Variants in C12orf42 observed in about 807,000 individuals in gnomAD.
C12orf42 encodes the protein uncharacterized protein C12orf42.
A neutral mutation model predicts 21.6 loss-of-function variants in C12orf42; 25 were observed. The observed-to-expected ratio is 1.16, with a 90% confidence interval of 0.84 to 1.62. C12orf42 has a LOEUF of 1.62. C12orf42 is among the 40% of genes most tolerant of loss of function. The probability of loss-of-function intolerance (pLI) is 0.00; values close to 1 mark genes in which losing one functional copy is unlikely to be tolerated. For synonymous variants in C12orf42, 174 were observed against 175.0 expected, an observed-to-expected ratio of 0.99 and a Z score of 0.05; for missense variants, 483 against 459.3, an observed-to-expected ratio of 1.05 and a Z score of -0.47.
chr12:103,377,091 G>A (rs534160422), intron 3 of C12orf42, among the ~76,000 whole-genome samples: 1 of 152,108 alleles, frequency 6.6e-6, no homozygotes, highest in African/African-American at 2.4e-5. Flanking sequence ...ATGGCATCCT[G>A]TTCTTATTTA....
chr12:103,120,289 A>T, the C12orf42 span, among the ~76,000 whole-genome samples: 34 of 152,312 alleles, frequency 2.2e-4, no homozygotes, highest in South Asian at 8.3e-4. Context: ...GGACTGGGAG[A>T]GATAATTACT....
At chr12:103,172,236 G>T in the C12orf42 span, among the ~76,000 whole-genome samples, 1 of 152,038 alleles carries the variant, frequency 6.6e-6, no homozygotes, top group Non-Finnish European at 1.5e-5. Context: ...AGGGTAATAT[G>T]CATGAAGCAA....
intron 4 of C12orf42, among the ~76,000 whole-genome samples, chr12:103,317,221 T>G (rs1281634813): frequency 1.1e-4 from 17 of 152,234 alleles, no homozygotes; most frequent in Non-Finnish European, 1.5e-5. Context: ...TCAGGCACTC[T>G]GCTAAGTATA....
chr12:103,465,842 C>G (rs549001297), intron 2 of C12orf42, among the ~76,000 whole-genome samples: 1 of 152,248 alleles, frequency 6.6e-6, no homozygotes, highest in East Asian at 1.9e-4. Flanking sequence ...TTTTCTGCCT[C>G]TATTGAGATA....
the C12orf42 span, among the ~76,000 whole-genome samples, chr12:103,082,851 C>T: frequency 6.6e-6 from 1 of 152,164 alleles, no homozygotes; most frequent in Non-Finnish European, 1.5e-5. Context: ...TAACATAGTA[C>T]AAACAAGCTA....
chr12:103,122,970 G>T, the C12orf42 span, among the ~76,000 whole-genome samples: 29 of 152,248 alleles, frequency 1.9e-4, no homozygotes, highest in African/African-American at 6.7e-4. Flanking sequence ...GAGGCAGGGG[G>T]AATAATTATG....
At chr12:103,298,555 C>T (rs2037451370), downstream of C12orf42, among the ~76,000 whole-genome samples, 1 of 152,134 alleles carries the variant, frequency 6.6e-6, no homozygotes, top group African/African-American at 2.4e-5. Flanking sequence ...GATTCAATGC[C>T]ACCCCCATCA....
At chr12:103,066,258 G>T in the C12orf42 span, among the ~76,000 whole-genome samples, 1 of 152,204 alleles carries the variant, frequency 6.6e-6, no homozygotes, top group Non-Finnish European at 1.5e-5. Context: ...TAGCCATAAA[G>T]TGGGTTGTGC....
chr12:103,335,775 C>T (rs2041636936), intron 4 of C12orf42, among the ~76,000 whole-genome samples: 1 of 152,142 alleles, frequency 6.6e-6, no homozygotes, highest in African/African-American at 2.4e-5. Context: ...CTATTTGTGG[C>T]TGAAAAAGAA....
At chr12:103,357,382 C>T (rs1203678380) in intron 4 of C12orf42, among the ~76,000 whole-genome samples, 2 of 151,918 alleles carry the variant, frequency 1.3e-5, no homozygotes, top group Non-Finnish European at 2.9e-5. Context: ...CTTCATGCCA[C>T]ATGGGGAGGT....
At chr12:103,379,714 A>T (rs1211148839) in intron 3 of C12orf42, among the ~76,000 whole-genome samples, 1 of 152,212 alleles carries the variant, frequency 6.6e-6, no homozygotes, top group Non-Finnish European at 1.5e-5. Context: ...CCTCCCTTCC[A>T]TCCCAGGCTT....
At chr12:103,214,036 C>G in the C12orf42 span, among the ~76,000 whole-genome samples, 3 of 152,206 alleles carry the variant, frequency 2.0e-5, no homozygotes, top group African/African-American at 2.4e-5. Flanking sequence ...CACTAATGCT[C>G]TTTAAGTACT....
chr12:103,440,408 TA>T (rs1388518819), intron 2 of C12orf42, among the ~76,000 whole-genome samples: 3 of 36,430 alleles, frequency 8.2e-5, no homozygotes, highest in Admixed American at 7.4e-4. Context: ...TAAAGTATAA[TA>T]AAAAAATAAA....
the C12orf42 span, among the ~76,000 whole-genome samples, chr12:103,506,358 C>T: frequency 7.7e-4 from 109 of 141,764 alleles, 1 homozygote; most frequent in Middle Eastern, 3.6e-3. Flanking sequence ...GCAGTCACTG[C>T]GGAGCTAAAT....
At chr12:103,116,927 T>G in the C12orf42 span, among the ~76,000 whole-genome samples, 1 of 152,202 alleles carries the variant, frequency 6.6e-6, no homozygotes, top group African/African-American at 2.4e-5. Flanking sequence ...ATATGATAAT[T>G]GTACATATTT....
intron 10 of C12orf42, among the ~76,000 whole-genome samples, chr12:103,252,133 T>C (rs1306173163): frequency 1.4e-4 from 22 of 152,214 alleles, no homozygotes; most frequent in Non-Finnish European, 4.4e-5. Flanking sequence ...AAATTCTTTT[T>C]TATGGCTGCA....
chr12:103,265,402 C>T (rs958834107), downstream of C12orf42, among the ~76,000 whole-genome samples: 11 of 152,138 alleles, frequency 7.2e-5, no homozygotes, highest in Non-Finnish European at 1.2e-4. Context: ...ACTTGCCTTC[C>T]TTCTACGGAA....
intron 2 of C12orf42, among the ~76,000 whole-genome samples, chr12:103,452,084 C>G (rs1440993594): frequency 1.3e-5 from 2 of 151,810 alleles, no homozygotes; most frequent in Non-Finnish European, 2.9e-5. Flanking sequence ...TATCCAAGCT[C>G]ACTGATAGGT....
chr12:103,550,954 CT>C, the C12orf42 span, among the ~76,000 whole-genome samples: 42 of 151,672 alleles, frequency 2.8e-4, no homozygotes, highest in Non-Finnish European at 2.7e-4. Flanking sequence ...CTATAGTTTT[CT>C]TTTTTTATTC....
Sources: gnomAD v4.1 joint callset for allele counts (sites outside exome capture counted in the v4.1 genomes callset) on GRCh38, gnomAD v4.1.1 for gene constraint, MANE v1.5 for transcripts, NCBI Gene and HGNC (gene_info 2026-07-23, HGNC 2026-07-21) for gene names.